The following AARS1 variants were observed in gnomAD, a reference collection of about 807,000 sequenced individuals.
AARS1 encodes alanyl-tRNA synthetase 1.
Under a neutral mutation model 108.9 loss-of-function variants are expected in AARS1, and 72 were observed. That is an observed-to-expected ratio of 0.66 (90% CI 0.55 to 0.80). AARS1 has a LOEUF of 0.80. Among genes scored for constraint, AARS1 ranks in the 30% least tolerant of loss-of-function variants. AARS1 has a pLI of 0.00. For synonymous variants in AARS1, 489 were observed against 465.7 expected (o/e 1.05, Z -0.64); for missense variants, 1,193 against 1,233.2 (o/e 0.97, Z 0.49).
At chr16:70,266,357 G>A (rs1049116779) in intron 9 of AARS1, among the ~76,000 whole-genome samples, 3 of 148,492 alleles carry the variant, frequency 2.0e-5, no homozygotes, top group East Asian at 4.1e-4. Flanking sequence ...ATTGCCAGGC[G>A]CGGTGGCGGA....
chr16:70,277,111 A>G lies in AARS1; in HGVS notation c.188T>C (p.Met63Thr). 1.2e-6 allele frequency: 2 copies of G among 1,614,090 alleles called. No homozygotes were observed. The highest frequency in any genetic ancestry group is 1.7e-6 in the Non-Finnish European group (2 of 1,180,004). The change falls in exon 3 of 21, where the codon ATG becomes ACG. Residue 63 changes from methionine (M) to threonine (T), a missense_variant. Transcript: ENST00000261772. ...ATTGGCAGCTCTGCTCAGCTTTGCCATGGGGTGAGATGGGTCAATTGTGTT... is the reference window on the plus strand; with the variant it reads ...ATTGGCAGCTCTGCTCAGCTTTGCCGTGGGGTGAGATGGGTCAATTGTGTT... ...FLNTIDPSHP[M>T]AKLSRAANTQ... is the part of the protein sequence containing the mutation.
intron 1 of AARS1, among the ~76,000 whole-genome samples, chr16:70,287,448 C>T (rs988817907): frequency 6.7e-6 from 1 of 149,688 alleles, no homozygotes; most frequent in South Asian, 2.1e-4. Flanking sequence ...TGAGGCAGGT[C>T]TCGCTCTGTC....
At chr16:70,284,349 T>A (rs1038973455) in intron 1 of AARS1, among the ~76,000 whole-genome samples, 9 of 148,690 alleles carry the variant, frequency 6.1e-5, no homozygotes, top group Non-Finnish European at 3.0e-5. Flanking sequence ...ACGCCTGTAA[T>A]CCCAGCACTT....
In AARS1 at chr16:70,252,739, G is replaced by A. The variant is rs75033663; in HGVS notation, c.2889C>T (p.Leu963=). ...TCCCCACTCAGTTCTTTACATCCCC[G>A]AGGCGCAGCTGGGCGAAGGAAGTGG... ...QLATSFAQLR[L]GDVKN The change falls in exon 21 of 21, where the codon CTC becomes CTT. Residue 963 remains leucine (L), a synonymous_variant. Coordinates refer to ENST00000261772, the MANE Select transcript of AARS1 (RefSeq NM_001605.3). 1 of 1,614,132 alleles carries A rather than the reference G, an allele frequency of 6.2e-7. No individual in the cohort carries two copies. Among genetic ancestry groups the A allele is most frequent in the Non-Finnish European group, 8.5e-7 (1 of 1,180,044 alleles).
chr16:70,281,727 C>T (rs930988222), intron 2 of AARS1, among the ~76,000 whole-genome samples: 10 of 152,030 alleles, frequency 6.6e-5, no homozygotes, highest in African/African-American at 2.4e-4. Flanking sequence ...TAGAGCATGC[C>T]TGTAGTCCTA....
chr16:70,256,440 G>C (rs1959993708), intron 15 of AARS1, among the ~76,000 whole-genome samples: 1 of 152,064 alleles, frequency 6.6e-6, no homozygotes, highest in African/African-American at 2.4e-5. Context: ...AAGTAGCTTG[G>C]ATACAGGTGC....
Position 70,265,650 on chromosome 16 carries a change from C to T in AARS1, c.1235G>A (p.Trp412Ter). The part of the protein sequence containing the change: ...DSKTIPGDTA[W>*]LLYDTYGFPV... ...AAACCCATAGGTGTCATAGAGGAGC[C>T]AAGCAGTGTCTCCTACACAGCACAA... Residue 412 changes from tryptophan (W) to a stop codon, truncating the protein, a stop_gained, in exon 10 of 21, where the codon TGG becomes TAG. Coordinates refer to ENST00000261772, the MANE Select transcript of AARS1 (RefSeq NM_001605.3). LOFTEE classifies it high-confidence loss of function. 6.2e-7 allele frequency: 1 copy of T among 1,613,758 alleles called. No homozygotes were observed. The highest frequency in any genetic ancestry group is 8.5e-7 in the Non-Finnish European group (1 of 1,179,802).
At chr16:70,268,490 A>G (rs1185476504) in intron 7 of AARS1, 111 bp from the exon 8 acceptor site, 8 of 851,188 alleles carry the variant, frequency 9.4e-6, no homozygotes, top group Non-Finnish European at 1.5e-5. Context: ...TTTTATCCTA[A>G]GCCTGCTTCT....
At chr16:70,277,572 T>C (rs953226386) in intron 2 of AARS1, among the ~76,000 whole-genome samples, 1 of 152,138 alleles carries the variant, frequency 6.6e-6, no homozygotes, top group African/African-American at 2.4e-5. Context: ...AACTGACACA[T>C]ATTAAGGGAA....
intron 7 of AARS1, among the ~76,000 whole-genome samples, chr16:70,269,322 GAAAAAAAAAAA>G (rs56394253): frequency 1.1e-4 from 7 of 64,266 alleles, no homozygotes; most frequent in Admixed American, 4.1e-4. Context: ...TTCTGTCTCA[GAAAAAAAAAAA>G]AAAAAAAAAA....
In AARS1 at chr16:70,252,686, C is replaced by CG; in HGVS notation, c.*34dup. 1 of 1,610,148 alleles carries CG rather than the reference C, an allele frequency of 6.2e-7. No homozygotes were observed. Among genetic ancestry groups the CG allele is most frequent in the Non-Finnish European group, 8.5e-7 (1 of 1,177,416 alleles). On this transcript the variant is annotated 3_prime_UTR_variant, in exon 21 of 21. Coordinates refer to ENST00000261772, the MANE Select transcript of AARS1 (RefSeq NM_001605.3). Reference sequence around the variant, plus strand: ...AGCAGATGAAGAGCTCTTGGCTGGACGGATGGATCCAGTGGGAGCCTCCTC... The same window carrying CG: ...AGCAGATGAAGAGCTCTTGGCTGGACGGGATGGATCCAGTGGGAGCCTCCTC...
rs1440668494 is a variant in AARS1, at chr16:70,262,389, T to C, written c.1628A>G (p.Tyr543Cys). 5 of 1,614,208 alleles carry C rather than the reference T, an allele frequency of 3.1e-6. No individual in the cohort carries two copies. Among genetic ancestry groups the C allele is most frequent in the South Asian group, 2.2e-5 (2 of 91,090 alleles). The change falls in exon 12 of 21, where the codon TAT becomes TGT. Residue 543 changes from tyrosine to cysteine, a missense_variant. Tyr to Cys is a radical substitution (Grantham distance 194). Coordinates refer to ENST00000261772, the MANE Select transcript of AARS1 (RefSeq NM_001605.3). Reference sequence around the variant, plus strand: ...CACCTTCACCAGGTAGCCTTCGTCATAGATCTGGCCTCCTTGCTCAGCATA... The same window carrying C: ...CACCTTCACCAGGTAGCCTTCGTCACAGATCTGGCCTCCTTGCTCAGCATA... ...CFYAEQGGQI[Y>C]DEGYLVKVDD...
chr16:70,257,962 C>T, intron 15 of AARS1, 71 bp downstream of exon 15: 1 of 1,563,216 alleles, frequency 6.4e-7, no homozygotes, highest in East Asian at 2.3e-5. Context: ...AGAGTTGGTC[C>T]AGCCTAAGAC....
chr16:70,282,755 A>C lies in AARS1; in HGVS notation c.9T>G (p.Ser3=), dbSNP rs539360231. The change falls in exon 2 of 21, where the codon TCT becomes TCG. Residue 3 remains serine (S), a synonymous_variant. Transcript: ENST00000261772. ...GCCGGATTTCACTTGCTGTTAGAGTAGAGTCCATCTTGAAAGTCACCCCAA... is the reference window on the plus strand; with the variant it reads ...GCCGGATTTCACTTGCTGTTAGAGTCGAGTCCATCTTGAAAGTCACCCCAA... MD[S]TLTASEIRQR... 1.9e-5 allele frequency: 30 copies of C among 1,614,112 alleles called. No homozygotes were observed. Among genetic ancestry groups the C allele is most frequent in the Middle Eastern group, 3.3e-4 (2 of 6,062 alleles).
At position 70,265,608 on chromosome 16, in the gene AARS1, C is replaced by A; in HGVS notation, c.1277G>T (p.Gly426Val). 1 of 1,613,982 alleles carries A rather than the reference C, an allele frequency of 6.2e-7. No individual in the cohort carries two copies. The highest frequency in any genetic ancestry group is 8.5e-7 in the Non-Finnish European group (1 of 1,179,948). Residue 426 changes from glycine (G) to valine (V), a missense_variant, in exon 10 of 21, where the codon GGA becomes GTA. Gly to Val is a moderately radical substitution (Grantham distance 109, BLOSUM62 -3). Transcript: ENST00000261772. Reference protein sequence around the residue: ...DTYGFPVDLTGLIAEEKGLVV... With the variant: ...DTYGFPVDLTVLIAEEKGLVV... ...CAGGCCCTTCTCTTCAGCAATCAGTCCAGTCAGATCCACTGGAAACCCATA... is the reference window on the plus strand; with the variant it reads ...CAGGCCCTTCTCTTCAGCAATCAGTACAGTCAGATCCACTGGAAACCCATA...
rs531542396 is a variant in AARS1 at position 70,288,164 on chromosome 16, G to C, written c.-22+1257C>G. Among the ~76,000 whole-genome samples the C allele has an allele frequency of 2.1e-5, 3 of 140,986 alleles. No homozygotes were observed. In the South Asian group the frequency reaches 6.8e-4, roughly 32 times the overall value. 92.5% of individuals were successfully genotyped at this position (140,986 alleles called of 152,430 possible). A position where few individuals can be genotyped will look rare whatever the true frequency, so the allele number is the denominator to read the frequency against. ...GTTGCGCAGGCTGGAGTGCAGTGGC[G>C]CGATCTCAGCTCACTGCAAGCTCCG... On this transcript the variant is annotated intron_variant, in intron 1 of 20. Coordinates refer to ENST00000261772, the MANE Select transcript of AARS1 (RefSeq NM_001605.3).
Position 70,269,670 on chromosome 16 carries a change from T to C in AARS1, c.910A>G (p.Thr304Ala), listed in dbSNP as rs1345855591. The C allele has an allele frequency of 1.2e-6, 2 of 1,614,020 alleles. No individual in the cohort carries two copies. Among genetic ancestry groups the C allele is most frequent in the East Asian group, 2.2e-5 (1 of 44,898 alleles). ...CCATCAGCCAGTGCCACAGTGATGGTCCGAGCGTGGTCAGCCAGCACCCGG... is the reference window on the plus strand; with the variant it reads ...CCATCAGCCAGTGCCACAGTGATGGCCCGAGCGTGGTCAGCCAGCACCCGG... ...AYRVLADHAR[T>A]ITVALADGGR... Residue 304 changes from threonine (T) to alanine (A), a missense_variant, in exon 7 of 21, where the codon ACC (threonine) becomes GCC (alanine). Transcript: ENST00000261772.
At chr16:70,289,080 C>G (rs559363611) in intron 1 of AARS1, among the ~76,000 whole-genome samples, 26 of 152,252 alleles carry the variant, frequency 1.7e-4, no homozygotes, top group Non-Finnish European at 3.4e-4. Flanking sequence ...TTTAAGAAAT[C>G]AAGGAATGGC....
In AARS1 at chr16:70,252,526, C is replaced by G; in HGVS notation, c.*195G>C. ...GCAATGCGGGGTTAGTGGTTCTAGA[C>G]CGATGGCACTGACGTGGAGGGCTCA... is the stretch of plus-strand genomic sequence containing the variant. On this transcript the variant is annotated 3_prime_UTR_variant, in exon 21 of 21. Transcript: ENST00000261772. 1 of 627,222 alleles carries G rather than the reference C, an allele frequency of 1.6e-6. No individual in the cohort carries two copies. The highest frequency in any genetic ancestry group is 1.9e-5 in the South Asian group (1 of 53,340). The allele number at this position is 627,222 out of a possible 1,614,324, so 38.9% of individuals were successfully genotyped here.
Sources: allele counts gnomAD v4.1 joint callset (sites outside exome capture counted in the v4.1 genomes callset), GRCh38; gene constraint gnomAD v4.1.1; transcripts MANE v1.5; gene names NCBI Gene and HGNC (gene_info 2026-07-23, HGNC 2026-07-21).